Variants in RPS6KA1 observed in about 807,000 individuals in gnomAD.
The protein encoded by RPS6KA1 is ribosomal protein S6 kinase A1, also known as ribosomal protein S6 kinase alpha-1.
RPS6KA1 carries 48 observed loss-of-function variants against 91.3 expected under a neutral mutation model. That is an observed-to-expected ratio of 0.53 (90% CI 0.42 to 0.67). RPS6KA1 has a LOEUF of 0.67. RPS6KA1 is among the 30% of genes least tolerant of loss of function. The pLI is 0.00. For missense variants in RPS6KA1, 719 were observed against 960.5 expected, an observed-to-expected ratio of 0.75 and a Z score of 3.32; for synonymous variants, 359 against 384.7, an observed-to-expected ratio of 0.93 and a Z score of 0.78.
At chr1:26,546,183 T>A in intron 2 of RPS6KA1, 1 of 904,382 alleles carries the variant, frequency 1.1e-6, no homozygotes, top group Non-Finnish European at 1.6e-6. Flanking sequence ...ACTTGCTTCC[T>A]GGGGAAGTGA....
chr1:26,537,520 G>A (rs1162215524), intron 2 of RPS6KA1, among the ~76,000 whole-genome samples: 2 of 152,144 alleles, frequency 1.3e-5, no homozygotes, highest in African/African-American at 2.4e-5. Context: ...GCCCCTTCCT[G>A]TAGCCCCCTA....
chr1:26,553,295 G>C (rs368715139), intron 6 of RPS6KA1, 96 bp from the exon 7 acceptor site: 9 of 763,930 alleles, frequency 1.2e-5, no homozygotes, highest in Non-Finnish European at 1.8e-5. Flanking sequence ...GTCCTCCCAG[G>C]GTGGCTCTTC....
At position 26,535,532 on chromosome 1, in the gene RPS6KA1, C is replaced by T. The variant is rs568982589; in HGVS notation, c.64-1393C>T. On this transcript the variant is annotated intron_variant, in intron 1 of 21. Coordinates refer to ENST00000374168, the MANE Select transcript of RPS6KA1 (RefSeq NM_002953.4). Reference sequence around the variant, plus strand: ...GGGGCAATTTCTTTCAGCTTCCAAACGCCCAGATAGGGTAGGTTACTTGCC... The same window carrying T: ...GGGGCAATTTCTTTCAGCTTCCAAATGCCCAGATAGGGTAGGTTACTTGCC... Among the ~76,000 whole-genome samples the T allele has an allele frequency of 9.2e-5, 14 of 152,234 alleles. No individual in the cohort carries two copies. In the South Asian group the frequency reaches 2.5e-3, roughly 27 times the overall value.
At chr1:26,563,633 T>G (rs1557511643) in intron 17 of RPS6KA1, among the ~76,000 whole-genome samples, 1 of 152,250 alleles carries the variant, frequency 6.6e-6, no homozygotes, top group Non-Finnish European at 1.5e-5. Flanking sequence ...CCTCCACAAT[T>G]AGACCTCCCT....
At chr1:26,566,582 C>T (rs1041673911) in intron 17 of RPS6KA1, among the ~76,000 whole-genome samples, 10 of 151,988 alleles carry the variant, frequency 6.6e-5, no homozygotes, top group Non-Finnish European at 1.5e-4. Flanking sequence ...CCACTGTGCC[C>T]GGCTCATTGT....
chr1:26,556,700 C>T lies in RPS6KA1; in HGVS notation c.963C>T (p.Tyr321=), dbSNP rs1362627112. 2 of 1,614,224 alleles carry T rather than the reference C, an allele frequency of 1.2e-6. No homozygotes were observed. Among genetic ancestry groups the T allele is most frequent in the East Asian group, 2.2e-5 (1 of 44,878 alleles). The part of the protein sequence containing the change: ...GAEEIKRHVF[Y]STIDWNKLYR... ...AGGAAATCAAGCGGCATGTCTTCTA[C>T]TCCACCATTGACTGGAATGTGAGTG... The change falls in exon 12 of 22, where the codon TAC becomes TAT. Residue 321 remains tyrosine, a synonymous_variant. Transcript: ENST00000374168.
intron 13 of RPS6KA1, among the ~76,000 whole-genome samples, chr1:26,557,786 C>T (rs868379282): frequency 1.9e-3 from 205 of 108,420 alleles, no homozygotes; most frequent in Non-Finnish European, 2.4e-3. Context: ...CTCCTCCCCT[C>T]CCCTCCCCTC....
Position 26,555,168 on chromosome 1 carries a change from C to T in RPS6KA1, c.774C>T (p.Gly258=). The T allele has an allele frequency of 1.2e-6, 2 of 1,614,134 alleles. No homozygotes were observed. Among genetic ancestry groups the T allele is most frequent in the Non-Finnish European group, 1.7e-6 (2 of 1,179,998 alleles). The part of the protein sequence containing the change: ...YGVLMFEMLT[G]SLPFQGKDRK... ...CTCTGCAGTTTGAGATGCTGACGGG[C>T]TCCCTGCCCTTCCAGGGGAAGGACC... Residue 258 remains glycine (G), a synonymous_variant, in exon 10 of 22, where the codon GGC becomes GGT. Coordinates refer to ENST00000374168, the MANE Select transcript of RPS6KA1 (RefSeq NM_002953.4). This position sits in a 1 kb window ranked among gnomAD's most constrained non-coding sequence, Gnocchi z 4.3.
chr1:26,561,406 C>T lies in RPS6KA1; in HGVS notation c.1432-99C>T. The stretch of plus-strand genomic sequence containing the variant: ...ACTGAAGAGCAAGCAGAACACCTGC[C>T]CAAGGCTCATGTCATTCTTCCCTGC... On this transcript the variant is annotated intron_variant, in intron 16 of 21. Coordinates refer to ENST00000374168, the MANE Select transcript of RPS6KA1 (RefSeq NM_002953.4). This position sits in a 1 kb window ranked among gnomAD's most constrained non-coding sequence, Gnocchi z 5.7. 1 of 1,498,914 alleles carries T rather than the reference C, an allele frequency of 6.7e-7. No individual in the cohort carries two copies. Among genetic ancestry groups the T allele is most frequent in the South Asian group, 1.2e-5 (1 of 85,376 alleles). The allele number at this position is 1,498,914 out of a possible 1,614,324, so 92.9% of individuals were successfully genotyped here. A position where few individuals can be genotyped will look rare whatever the true frequency, so the allele number is the denominator to read the frequency against.
chr1:26,543,033 C>T, intron 2 of RPS6KA1: 1 of 998,004 alleles, frequency 1.0e-6, no homozygotes, highest in Middle Eastern at 2.1e-4. Flanking sequence ...ATCATCTGCC[C>T]CTCCTCCCTG....
chr1:26,572,375 A>G, intron 20 of RPS6KA1, 82 bp downstream of exon 20: 2 of 888,128 alleles, frequency 2.3e-6, no homozygotes, highest in Non-Finnish European at 3.8e-6. Flanking sequence ...GTTCATGAAC[A>G]GCCTCATTTC....
chr1:26,531,068 C>A, intron 1 of RPS6KA1: 1 of 246,348 alleles, frequency 4.1e-6, no homozygotes, highest in Non-Finnish European at 7.3e-6. Flanking sequence ...AAGTGTCCTG[C>A]CTCTCAGGAC....
At chr1:26,533,900 A>G (rs2075887084) in intron 1 of RPS6KA1, among the ~76,000 whole-genome samples, 1 of 151,872 alleles carries the variant, frequency 6.6e-6, no homozygotes, top group African/African-American at 2.4e-5. Flanking sequence ...GGAAGCCAGC[A>G]CCCCACAACC....
At position 26,571,332 on chromosome 1, in the gene RPS6KA1, A is replaced by C; in HGVS notation, c.1591-117A>C. 1 of 919,836 alleles carries C rather than the reference A, an allele frequency of 1.1e-6. No individual in the cohort carries two copies. The highest frequency in any genetic ancestry group is 1.7e-6 in the Non-Finnish European group (1 of 594,362). 57.0% of individuals were successfully genotyped at this position (919,836 alleles called of 1,614,324 possible). A position where few individuals can be genotyped will look rare whatever the true frequency, so the allele number is the denominator to read the frequency against. On this transcript the variant is annotated intron_variant, in intron 17 of 21. Transcript: ENST00000374168. This position sits in a 1 kb window ranked among gnomAD's most constrained non-coding sequence, Gnocchi z 5.1. ...CCCCTTCCCCTTCTCTCGGATGCCA[A>C]GTCCATGCACCCGTCCCTCTGCACC... is the stretch of plus-strand genomic sequence containing the variant.
intron 4 of RPS6KA1, among the ~76,000 whole-genome samples, chr1:26,549,106 G>T (rs1188321676): frequency 6.7e-6 from 1 of 150,236 alleles, no homozygotes; most frequent in African/African-American, 2.5e-5. Context: ...CGAATGAATA[G>T]AATTCATACT....
At chr1:26,569,205 T>G (rs1054877793) in intron 17 of RPS6KA1, among the ~76,000 whole-genome samples, 14 of 151,888 alleles carry the variant, frequency 9.2e-5, no homozygotes, top group Admixed American at 3.3e-4. Context: ...TCTCAGAGCT[T>G]TGGTTTTCTC....
rs375556190 is a variant in RPS6KA1 at position 26,555,107 on chromosome 1, C to T, written c.757-44C>T. On this transcript the variant is annotated intron_variant, in intron 9 of 21. Coordinates refer to ENST00000374168, the MANE Select transcript of RPS6KA1 (RefSeq NM_002953.4). The surrounding 1 kb of genome is among the most constrained non-coding windows in gnomAD (Gnocchi z 4.3). ...GACTGGGAGGAGGCGGGAGGTGTGT[C>T]GGAGACAGGGATCAGAGCCTGAATA... 133 of 1,589,014 alleles carry T rather than the reference C, an allele frequency of 8.4e-5. 1 individual carries two copies. The highest frequency in any genetic ancestry group is 8.3e-4 in the Middle Eastern group (5 of 6,004).
chr1:26,551,748 G>A lies in RPS6KA1; in HGVS notation c.468+25G>A. 6.3e-7 allele frequency: 1 copy of A among 1,599,088 alleles called. No individual in the cohort carries two copies. The highest frequency in any genetic ancestry group is 8.6e-7 in the Non-Finnish European group (1 of 1,166,266). Reference sequence around the variant, plus strand: ...GGTGAGCTGACATCTACTGCCAGAGGGCCCCGGGATGGAGCTGAGGGACGA... The same window carrying A: ...GGTGAGCTGACATCTACTGCCAGAGAGCCCCGGGATGGAGCTGAGGGACGA... On this transcript the variant is annotated intron_variant, in intron 6 of 21. Transcript: ENST00000374168. The surrounding 1 kb of genome is among the most constrained non-coding windows in gnomAD (Gnocchi z 4.5).
chr1:26,567,757 C>G (rs1374015445), intron 17 of RPS6KA1, among the ~76,000 whole-genome samples: 3 of 152,188 alleles, frequency 2.0e-5, no homozygotes, highest in Non-Finnish European at 4.4e-5. Flanking sequence ...CAAGGCAGTT[C>G]TGGGGTTACT....
Sources: allele counts gnomAD v4.1 joint callset (sites outside exome capture counted in the v4.1 genomes callset), GRCh38; gene constraint gnomAD v4.1.1; non-coding constraint Gnocchi (gnomAD v3.1); transcripts MANE v1.5; gene names NCBI Gene and HGNC (gene_info 2026-07-23, HGNC 2026-07-21).